FGF6: variants seen among roughly 807,000 people sequenced by gnomAD.
The protein encoded by FGF6 is FGF-6.
A neutral mutation model predicts 18.4 loss-of-function variants in FGF6; 14 were observed. That is an observed-to-expected ratio of 0.76 (90% CI 0.50 to 1.19). The LOEUF is 1.19. Among genes scored for constraint, FGF6 ranks in the 50% most tolerant of loss-of-function variants. FGF6 has a pLI of 0.00. For synonymous variants in FGF6, 125 were observed against 116.7 expected, an observed-to-expected ratio of 1.07 and a Z score of -0.46; for missense variants, 266 against 271.6, an observed-to-expected ratio of 0.98 and a Z score of 0.15.
rs754902494 is a variant in FGF6 at position 4,434,267 on chromosome 12, C to A, written c.575G>T (p.Gly192Val). The change falls in exon 3 of 3, where the codon GGC becomes GTC. Residue 192 changes from glycine to valine, a missense_variant. Coordinates refer to ENST00000228837, the MANE Select transcript of FGF6 (RefSeq NM_020996.3). ...ALSKYGRVKRGSKVSPIMTVT... is the reference protein window; with the variant it reads ...ALSKYGRVKRVSKVSPIMTVT... Reference sequence around the variant, plus strand: ...AGTCATGATCGGGGACACCTTGCTGCCCCGCTTTACCCGTCCGTATTTGCT... The same window carrying A: ...AGTCATGATCGGGGACACCTTGCTGACCCGCTTTACCCGTCCGTATTTGCT... 9.3e-6 allele frequency: 15 copies of A among 1,614,068 alleles called. No individual in the cohort carries two copies. The highest frequency in any genetic ancestry group is 1.2e-5 in the Non-Finnish European group (14 of 1,180,040).
chr12:4,437,229 AC>A lies in FGF6; in HGVS notation c.451-2839del. The stretch of plus-strand genomic sequence containing the variant: ...GTAGAATTAAAAACAAATTAGTAGT[AC>A]TAGTATTCTTCTCCAAGTAAATAAT... On this transcript the variant is annotated intron_variant, in intron 2 of 2. Transcript: ENST00000228837. Among the ~76,000 whole-genome samples, 4 of 152,364 alleles carry A rather than the reference AC, an allele frequency of 2.6e-5. No individual in the cohort carries two copies. The South Asian group carries it at 8.3e-4, about 32-fold the overall frequency.
At chr12:4,438,778 AG>A (rs1367048391) in intron 2 of FGF6, among the ~76,000 whole-genome samples, 5 of 149,862 alleles carry the variant, frequency 3.3e-5, no homozygotes, top group Non-Finnish European at 4.5e-5. Context: ...AAAAAAAAAA[AG>A]AGGAGTAACT....
intron 2 of FGF6, among the ~76,000 whole-genome samples, chr12:4,439,746 C>T (rs1865668302): frequency 6.6e-6 from 1 of 150,940 alleles, no homozygotes; most frequent in Non-Finnish European, 1.5e-5. Flanking sequence ...TGTCTCATAT[C>T]CCTGGCCTTC....
intron 2 of FGF6, among the ~76,000 whole-genome samples, chr12:4,437,241 C>T (rs1225784736): frequency 1.3e-5 from 2 of 152,190 alleles, no homozygotes; most frequent in Non-Finnish European, 1.5e-5. Context: ...TAGTATTCTT[C>T]TCCAAGTAAA....
Position 4,445,147 on chromosome 12 carries a change from G to A in FGF6, c.346+78C>T, listed in dbSNP as rs550744599. The A allele has an allele frequency of 8.1e-7, 1 of 1,227,804 alleles. No individual in the cohort carries two copies. Among genetic ancestry groups the A allele is most frequent in the Non-Finnish European group, 1.1e-6 (1 of 875,298 alleles). The allele number at this position is 1,227,804 out of a possible 1,614,324, so 76.1% of individuals were successfully genotyped here. ...CCTTTATCGTGCATCCTGTCCGCTAGAGCAGGGCCCCTTCACCTTTTAGCC... is the reference window on the plus strand; with the variant it reads ...CCTTTATCGTGCATCCTGTCCGCTAAAGCAGGGCCCCTTCACCTTTTAGCC... On this transcript the variant is annotated intron_variant, in intron 1 of 2. Coordinates refer to ENST00000228837, the MANE Select transcript of FGF6 (RefSeq NM_020996.3). The surrounding 1 kb of genome is among the most constrained non-coding windows in gnomAD (Gnocchi z 5.5).
Position 4,444,139 on chromosome 12 carries a change from G to T in FGF6, c.444C>A (p.Tyr148Ter). Reference sequence around the variant, plus strand: ...CCCGGCCTGGTGAACTCACCGTTGCGTACAATCTTCCTTTACTGTTCATGG... The same window carrying T: ...CCCGGCCTGGTGAACTCACCGTTGCTTACAATCTTCCTTTACTGTTCATGG... Reference protein sequence around the residue: ...FVAMNSKGRLYATPSFQEECK... With the variant: ...FVAMNSKGRL Residue 148 changes from tyrosine to a stop codon, truncating the protein, a stop_gained, in exon 2 of 3, where the codon TAC becomes TAA. Transcript: ENST00000228837. LOFTEE classifies it high-confidence loss of function. 6.2e-7 allele frequency: 1 copy of T among 1,609,396 alleles called. No individual in the cohort carries two copies. The highest frequency in any genetic ancestry group is 1.1e-5 in the South Asian group (1 of 90,828).
intron 2 of FGF6, among the ~76,000 whole-genome samples, chr12:4,436,462 C>T (rs1358939343): frequency 7.3e-6 from 1 of 137,238 alleles, no homozygotes; most frequent in Non-Finnish European, 1.6e-5. Context: ...TCTACAAAAG[C>T]TTAAAAAAAA....
intron 2 of FGF6, 80 bp downstream of exon 2, chr12:4,444,053 C>T (rs1865725347): frequency 1.1e-6 from 1 of 907,502 alleles, no homozygotes; most frequent in Non-Finnish European, 1.8e-6. Flanking sequence ...CTTCTCTACT[C>T]AGGACTTCAT....
Position 4,445,590 on chromosome 12 carries a change from C to T in FGF6, c.-20G>A, listed in dbSNP as rs761290009. 9.1e-6 allele frequency: 14 copies of T among 1,545,384 alleles called. No individual in the cohort carries two copies. The highest frequency in any genetic ancestry group is 1.2e-5 in the Non-Finnish European group (14 of 1,140,066). ...GGCCATCCACCTTGCCTCTCAGGCACGTGGTCAGAATTAATGGCCCTAAAA... is the reference window on the plus strand; with the variant it reads ...GGCCATCCACCTTGCCTCTCAGGCATGTGGTCAGAATTAATGGCCCTAAAA... On this transcript the variant is annotated 5_prime_UTR_variant, in exon 1 of 3. In the 5' UTR this introduces an upstream ATG that the reference lacks. Transcript: ENST00000228837. The surrounding 1 kb of genome is among the most constrained non-coding windows in gnomAD (Gnocchi z 5.5).
rs776927964 is a variant in FGF6, at chr12:4,445,306, A to G, written c.265T>C (p.Tyr89His). ...TGAAAGCCGATGCCCACGTTGCAGT[A>G]GAGCCTCCGCTGCCGCTTGATCCCC... ...LVGIKRQRRL[Y>H]CNVGIGFHLQ... Residue 89 changes from tyrosine (Y) to histidine (H), a missense_variant, in exon 1 of 3, where the codon TAC (tyrosine) becomes CAC (histidine). Coordinates refer to ENST00000228837, the MANE Select transcript of FGF6 (RefSeq NM_020996.3). The surrounding 1 kb of genome is among the most constrained non-coding windows in gnomAD (Gnocchi z 5.5). The G allele has an allele frequency of 1.2e-6, 2 of 1,614,008 alleles. No homozygotes were observed. Among genetic ancestry groups the G allele is most frequent in the East Asian group, 4.5e-5 (2 of 44,890 alleles).
At position 4,445,129 on chromosome 12, in the gene FGF6, C is replaced by T. The variant is rs900334886; in HGVS notation, c.346+96G>A. On this transcript the variant is annotated intron_variant, in intron 1 of 2. Coordinates refer to ENST00000228837, the MANE Select transcript of FGF6 (RefSeq NM_020996.3). The surrounding 1 kb of genome is among the most constrained non-coding windows in gnomAD (Gnocchi z 5.5). ...TGAGCAGCATTTCTGCCCCCTTTATCGTGCATCCTGTCCGCTAGAGCAGGG... is the reference window on the plus strand; with the variant it reads ...TGAGCAGCATTTCTGCCCCCTTTATTGTGCATCCTGTCCGCTAGAGCAGGG... 4 of 1,054,558 alleles carry T rather than the reference C, an allele frequency of 3.8e-6. No homozygotes were observed. Among genetic ancestry groups the T allele is most frequent in the Middle Eastern group, 2.9e-4 (1 of 3,422 alleles). The allele number at this position is 1,054,558 out of a possible 1,614,324, so 65.3% of individuals were successfully genotyped here.
intron 2 of FGF6, among the ~76,000 whole-genome samples, chr12:4,435,645 C>T (rs1005072739): frequency 3.9e-5 from 6 of 152,126 alleles, no homozygotes; most frequent in African/African-American, 1.4e-4. Context: ...GCCAAGGAGC[C>T]TGGGACCAAC....
At chr12:4,443,718 C>G (rs917789843) in intron 2 of FGF6, among the ~76,000 whole-genome samples, 1 of 152,186 alleles carries the variant, frequency 6.6e-6, no homozygotes, top group African/African-American at 2.4e-5. Flanking sequence ...CTGCTGCGCA[C>G]GAGGCTGGGG....
chr12:4,436,025 T>TAA (rs17177347), intron 2 of FGF6, among the ~76,000 whole-genome samples: 12 of 151,332 alleles, frequency 7.9e-5, no homozygotes, highest in African/African-American at 2.9e-4. Context: ...TGCTTGAGTA[T>TAA]AAAAAAAAAC....
At position 4,435,274 on chromosome 12, in the gene FGF6, G is replaced by C. The variant is rs1012368814; in HGVS notation, c.451-883C>G. ...GTTTTCCAGCCACTCCCTATTGCCT[G>C]CAAGACCACCTGAGCTCCACCTCCT... On this transcript the variant is annotated intron_variant, in intron 2 of 2. Transcript: ENST00000228837. Among the ~76,000 whole-genome samples, 15 of 152,102 alleles carry C rather than the reference G, an allele frequency of 9.9e-5. 1 individual carries two copies. Among genetic ancestry groups the C allele is most frequent in the African/African-American group, 2.4e-5 (1 of 41,408 alleles).
intron 2 of FGF6, among the ~76,000 whole-genome samples, chr12:4,442,614 G>T (rs999348175): frequency 2.0e-5 from 3 of 152,140 alleles, no homozygotes; most frequent in Non-Finnish European, 4.4e-5. Context: ...CGGCTCTCCC[G>T]ACCCTATGGG....
intron 2 of FGF6, among the ~76,000 whole-genome samples, chr12:4,436,559 G>A (rs1245676755): frequency 6.6e-6 from 1 of 152,130 alleles, no homozygotes; most frequent in African/African-American, 2.4e-5. Flanking sequence ...CGAGGCTGCA[G>A]TGAGCCATGA....
chr12:4,442,657 G>T (rs1865706582), intron 2 of FGF6, among the ~76,000 whole-genome samples: 2 of 152,164 alleles, frequency 1.3e-5, no homozygotes, highest in Non-Finnish European at 2.9e-5. Context: ...GGAAGAAGGG[G>T]TTCTTTGGGA....
intron 2 of FGF6, among the ~76,000 whole-genome samples, chr12:4,438,085 A>G (rs2055339661): frequency 6.6e-6 from 1 of 152,228 alleles, no homozygotes; most frequent in Admixed American, 6.5e-5. Context: ...TCACTGGAGA[A>G]TGAACAGCAT....
Sources: gnomAD v4.1 joint callset for allele counts (sites outside exome capture counted in the v4.1 genomes callset) on GRCh38, gnomAD v4.1.1 for gene constraint, Gnocchi (gnomAD v3.1) non-coding constraint, MANE v1.5 for transcripts, NCBI Gene and HGNC (gene_info 2026-07-23, HGNC 2026-07-21) for gene names.